Variants in STX11 observed in about 807,000 individuals in gnomAD.
The protein encoded by STX11 is syntaxin-11.
A neutral mutation model predicts 19.9 loss-of-function variants in STX11; 21 were observed. That is an observed-to-expected ratio of 1.06 (90% CI 0.75 to 1.52). STX11 has a LOEUF of 1.52. Ranked by LOEUF, STX11 falls within the 40% of genes most tolerant of loss-of-function variation. The pLI is 0.00. For synonymous variants in STX11, 193 were observed against 174.4 expected (o/e 1.11, Z -0.84); for missense variants, 438 against 405.9 (o/e 1.08, Z -0.68).
At chr6:144,149,711 A>G (rs1800943487), upstream of STX11, among the ~76,000 whole-genome samples, 1 of 152,180 alleles carries the variant, frequency 6.6e-6, no homozygotes, top group Non-Finnish European at 1.5e-5. This position sits in a 1 kb window ranked among gnomAD's most constrained non-coding sequence, Gnocchi z 5.1. Context: ...CCTGGGCTCA[A>G]GAGATCCTCC....
At chr6:144,140,254 A>AT in the STX11 span, among the ~76,000 whole-genome samples, 6 of 38,882 alleles carry the variant, frequency 1.5e-4, no homozygotes, top group African/African-American at 7.9e-4. Context: ...ATATATATAT[A>AT]TTTATTTATT....
chr6:144,140,046 G>A, the STX11 span, among the ~76,000 whole-genome samples: 1 of 151,226 alleles, frequency 6.6e-6, no homozygotes, highest in African/African-American at 2.4e-5. Flanking sequence ...GGGCACACAA[G>A]GAAAGGAGCG....
the STX11 span, chr6:144,140,803 C>T: frequency 4.1e-3 from 4,005 of 985,148 alleles, 108 homozygotes; most frequent in African/African-American, 0.062. Context: ...CAGATCTCAG[C>T]CCCAAAGTAA....
At chr6:144,166,571 G>C (rs914341398) in intron 1 of STX11, among the ~76,000 whole-genome samples, 1 of 139,246 alleles carries the variant, frequency 7.2e-6, no homozygotes, top group Non-Finnish European at 1.5e-5. Flanking sequence ...CTGCGGCCCA[G>C]CTGGAGTGCA....
At chr6:144,150,415 T>C, upstream of STX11, 2 of 888,340 alleles carry the variant, frequency 2.3e-6, no homozygotes, top group South Asian at 5.2e-5. Context: ...CCGCGCTCTG[T>C]GAGCCGGCTG....
chr6:144,190,068 T>C lies in STX11; in HGVS notation c.*2577T>C, dbSNP rs1476219726. 6.6e-6 allele frequency among the ~76,000 whole-genome samples: 1 copy of C among 152,184 alleles called. No homozygotes were observed. The highest frequency in any genetic ancestry group is 2.4e-5 in the African/African-American group (1 of 41,448). ...TATATACATTTTAATTCCTCACGTT[T>C]TATATTGGAGAGTTCGGTACAGACT... On this transcript the variant is annotated 3_prime_UTR_variant, in exon 2 of 2. Coordinates refer to ENST00000367568, the MANE Select transcript of STX11 (RefSeq NM_003764.4).
Position 144,153,983 on chromosome 6 carries a change from T to C in STX11, c.-6+3280T>C, listed in dbSNP as rs1364091513. ...GAATGCTAGTAATAGCTAAAATTTA[T>C]TGAGTGCTTATTAAGGGCCATGTAC... On this transcript the variant is annotated intron_variant, in intron 1 of 1. Coordinates refer to ENST00000367568, the MANE Select transcript of STX11 (RefSeq NM_003764.4). The surrounding 1 kb of genome is among the most constrained non-coding windows in gnomAD (Gnocchi z 5.0). Among the ~76,000 whole-genome samples, 1 of 152,364 alleles carries C rather than the reference T, an allele frequency of 6.6e-6. No individual in the cohort carries two copies. Among genetic ancestry groups the C allele is most frequent in the East Asian group, 1.9e-4 (1 of 5,190 alleles).
chr6:144,180,410 C>T lies in STX11; in HGVS notation c.-5-6213C>T, dbSNP rs887150681. 6.6e-6 allele frequency among the ~76,000 whole-genome samples: 1 copy of T among 152,112 alleles called. No homozygotes were observed. The highest frequency in any genetic ancestry group is 1.5e-5 in the Non-Finnish European group (1 of 68,022). On this transcript the variant is annotated intron_variant, in intron 1 of 1. Coordinates refer to ENST00000367568, the MANE Select transcript of STX11 (RefSeq NM_003764.4). The surrounding 1 kb of genome is among the most constrained non-coding windows in gnomAD (Gnocchi z 5.3). ...CAAATCTCAACTTGAATTGTATCTC[C>T]CAGAATTCCCATGTGTTGTGGGAGG... is the stretch of plus-strand genomic sequence containing the variant.
upstream of STX11, among the ~76,000 whole-genome samples, chr6:144,146,106 T>C (rs1243877667): frequency 6.6e-6 from 1 of 152,184 alleles, no homozygotes; most frequent in Non-Finnish European, 1.5e-5. This position sits in a 1 kb window ranked among gnomAD's most constrained non-coding sequence, Gnocchi z 4.4. Flanking sequence ...CTGAGGGCCA[T>C]GAAGGAGTTG....
At chr6:144,186,227 T>G in intron 1 of STX11, among the ~76,000 whole-genome samples, 3 of 146,330 alleles carry the variant, frequency 2.1e-5, no homozygotes, top group Admixed American at 6.8e-5. Flanking sequence ...AATGATGAGT[T>G]AATGGGTGCA....
chr6:144,150,069 C>G (rs1800953728), upstream of STX11, among the ~76,000 whole-genome samples: 3 of 148,258 alleles, frequency 2.0e-5, no homozygotes, highest in South Asian at 6.2e-4. Flanking sequence ...ACCGCAGGCT[C>G]CTCGCCCGCG....
In STX11 at chr6:144,160,797, AT is replaced by A. The variant is rs1243331879; in HGVS notation, c.-6+10096del. ...GACACCAAAAAAACTGGAACTATAA[AT>A]TATAGTGCAAGTGAACATTTAACTC... On this transcript the variant is annotated intron_variant, in intron 1 of 1. Coordinates refer to ENST00000367568, the MANE Select transcript of STX11 (RefSeq NM_003764.4). The surrounding 1 kb of genome is among the most constrained non-coding windows in gnomAD (Gnocchi z 4.3). Among the ~76,000 whole-genome samples, 1 of 152,196 alleles carries A rather than the reference AT, an allele frequency of 6.6e-6. No homozygotes were observed. The highest frequency in any genetic ancestry group is 2.4e-5 in the African/African-American group (1 of 41,452).
Position 144,187,867 on chromosome 6 carries a change from A to C in STX11, c.*376A>C, listed in dbSNP as rs1037511621. 17 of 384,330 alleles carry C rather than the reference A, an allele frequency of 4.4e-5. No individual in the cohort carries two copies. In the South Asian group the frequency reaches 5.8e-4, roughly 13 times the overall value. 23.8% of individuals were successfully genotyped at this position (384,330 alleles called of 1,614,324 possible). A position where few individuals can be genotyped will look rare whatever the true frequency, so the allele number is the denominator to read the frequency against. On this transcript the variant is annotated 3_prime_UTR_variant, in exon 2 of 2. Transcript: ENST00000367568. This position sits in a 1 kb window ranked among gnomAD's most constrained non-coding sequence, Gnocchi z 5.6. ...GAGGAAGTCAATTGGGCATCTGCTA[A>C]TAGAATGAACTCATGATGGAAACTT...
At chr6:144,147,525 G>T (rs1800898640), upstream of STX11, among the ~76,000 whole-genome samples, 1 of 152,006 alleles carries the variant, frequency 6.6e-6, no homozygotes. The surrounding 1 kb of genome is among the most constrained non-coding windows in gnomAD (Gnocchi z 4.2). Context: ...AGCATGCCAG[G>T]ACTCAGACTT....
At position 144,154,274 on chromosome 6, in the gene STX11, C is replaced by A. The variant is rs1003669511; in HGVS notation, c.-6+3571C>A. Reference sequence around the variant, plus strand: ...CACTCTCCTGCCCCTAACAATTCTTCCTTATCCAAGAATGGCCTTGATGCA... The same window carrying A: ...CACTCTCCTGCCCCTAACAATTCTTACTTATCCAAGAATGGCCTTGATGCA... On this transcript the variant is annotated intron_variant, in intron 1 of 1. Coordinates refer to ENST00000367568, the MANE Select transcript of STX11 (RefSeq NM_003764.4). The surrounding 1 kb of genome is among the most constrained non-coding windows in gnomAD (Gnocchi z 4.7). Among the ~76,000 whole-genome samples, 5 of 152,202 alleles carry A rather than the reference C, an allele frequency of 3.3e-5. No individual in the cohort carries two copies. Among genetic ancestry groups the A allele is most frequent in the Admixed American group, 1.3e-4 (2 of 15,276 alleles).
rs770942489 is a variant in STX11 at position 144,187,191 on chromosome 6, G to A, written c.564G>A (p.Val188=). 1.2e-6 allele frequency: 2 copies of A among 1,613,932 alleles called. No homozygotes were observed. Among genetic ancestry groups the A allele is most frequent in the Non-Finnish European group, 8.5e-7 (1 of 1,179,986 alleles). Residue 188 remains valine (V), a synonymous_variant, in exon 2 of 2, where the codon GTG becomes GTA. Transcript: ENST00000367568. This position sits in a 1 kb window ranked among gnomAD's most constrained non-coding sequence, Gnocchi z 5.6. ...EDMFEQGKWD[V]FSENLLADVK... ...TGTTCGAGCAGGGTAAGTGGGACGT[G>A]TTTTCCGAGAACTTGCTGGCCGACG...
At chr6:144,181,058 T>C (rs1378185969) in intron 1 of STX11, among the ~76,000 whole-genome samples, 1 of 152,194 alleles carries the variant, frequency 6.6e-6, no homozygotes, top group East Asian at 1.9e-4. Context: ...ACATTCTTGA[T>C]TCCTTTTCCT....
rs906016583 is a variant in STX11, at chr6:144,186,639, G to T, written c.12G>T (p.Arg4=). The change falls in exon 2 of 2, where the codon CGG becomes CGT. Residue 4 remains arginine (R), a synonymous_variant. Coordinates refer to ENST00000367568, the MANE Select transcript of STX11 (RefSeq NM_003764.4). ...TACTTGCAGGCAAAATGAAAGACCGGCTAGCAGAACTTCTGGACTTGTCCA... is the reference window on the plus strand; with the variant it reads ...TACTTGCAGGCAAAATGAAAGACCGTCTAGCAGAACTTCTGGACTTGTCCA... MKD[R]LAELLDLSKQ... 1 of 1,614,080 alleles carries T rather than the reference G, an allele frequency of 6.2e-7. No homozygotes were observed. Among genetic ancestry groups the T allele is most frequent in the East Asian group, 2.2e-5 (1 of 44,890 alleles).
Position 144,187,032 on chromosome 6 carries a change from C to T in STX11, c.405C>T (p.Leu135=). The T allele has an allele frequency of 6.2e-7, 1 of 1,612,596 alleles. No individual in the cohort carries two copies. Among genetic ancestry groups the T allele is most frequent in the Non-Finnish European group, 8.5e-7 (1 of 1,179,926 alleles). ...ARISRAQYNA[L]TLTFQRAMHD... is the part of the protein sequence containing the mutation. ...TTTCGCGGGCGCAGTACAACGCGCTCACCCTCACCTTCCAGCGCGCCATGC... is the reference window on the plus strand; with the variant it reads ...TTTCGCGGGCGCAGTACAACGCGCTTACCCTCACCTTCCAGCGCGCCATGC... Residue 135 remains leucine, a synonymous_variant, in exon 2 of 2, where the codon CTC becomes CTT. Coordinates refer to ENST00000367568, the MANE Select transcript of STX11 (RefSeq NM_003764.4). This position sits in a 1 kb window ranked among gnomAD's most constrained non-coding sequence, Gnocchi z 5.6.
Sources: gnomAD v4.1 joint callset for allele counts (sites outside exome capture counted in the v4.1 genomes callset) on GRCh38, gnomAD v4.1.1 for gene constraint, Gnocchi (gnomAD v3.1) non-coding constraint, MANE v1.5 for transcripts, NCBI Gene and HGNC (gene_info 2026-07-23, HGNC 2026-07-21) for gene names.